GFRA1: variants seen among roughly 807,000 people sequenced by gnomAD.
GFRA1 encodes GDNF family receptor alpha-1.
A neutral mutation model predicts 51.6 loss-of-function variants in GFRA1; 16 were observed. That is an observed-to-expected ratio of 0.31 (90% CI 0.21 to 0.47). GFRA1 has a LOEUF of 0.47. Ranked by LOEUF, GFRA1 falls within the 20% of genes least tolerant of loss-of-function variation. GFRA1 has a pLI of 1.00. For missense variants in GFRA1, 530 were observed against 594.3 expected (o/e 0.89, Z 1.13); for synonymous variants, 270 against 241.3 (o/e 1.12, Z -1.10).
intron 5 of GFRA1, among the ~76,000 whole-genome samples, chr10:116,147,066 G>A (rs1589824059): frequency 1.3e-5 from 2 of 152,030 alleles, no homozygotes; most frequent in South Asian, 2.1e-4. Flanking sequence ...GAGATCAGAT[G>A]CAAATATGTC....
chr10:116,271,192 G>A lies in GFRA1; in HGVS notation c.41-77C>T, dbSNP rs1011396374. The A allele has an allele frequency of 3.0e-6, 4 of 1,320,190 alleles. No individual in the cohort carries two copies. In the East Asian group the frequency reaches 9.5e-5, roughly 31 times the overall value. 81.8% of individuals were successfully genotyped at this position (1,320,190 alleles called of 1,614,324 possible). On this transcript the variant is annotated intron_variant, in intron 2 of 10. Coordinates refer to ENST00000355422, the MANE Select transcript of GFRA1 (RefSeq NM_005264.8). ...GCCCCTGCTCCGGGCGAGGGCGCGC[G>A]CCCGGGTCAGGGATGCTTGACCAGC...
At chr10:116,069,046 G>A (rs1462451525) in intron 9 of GFRA1, among the ~76,000 whole-genome samples, 2 of 152,310 alleles carry the variant, frequency 1.3e-5, no homozygotes, top group Non-Finnish European at 1.5e-5. Flanking sequence ...GGCTGGCACA[G>A]TGTTCAGGGG....
intron 5 of GFRA1, among the ~76,000 whole-genome samples, chr10:116,177,093 G>A (rs961032953): frequency 6.6e-6 from 1 of 152,206 alleles, no homozygotes; most frequent in Non-Finnish European, 1.5e-5. Flanking sequence ...GAACACAGAG[G>A]ATGGGGCAGA....
intron 5 of GFRA1, among the ~76,000 whole-genome samples, chr10:116,158,739 C>T (rs553818250): frequency 3.9e-5 from 6 of 152,328 alleles, no homozygotes; most frequent in Non-Finnish European, 7.3e-5. Flanking sequence ...GAGGTACTCA[C>T]AGTGGGCAAA....
chr10:116,161,984 C>T (rs1293432525), intron 5 of GFRA1, among the ~76,000 whole-genome samples: 2 of 152,238 alleles, frequency 1.3e-5, no homozygotes, highest in Non-Finnish European at 1.5e-5. Context: ...AGGCTTCAAT[C>T]TCAGATAATA....
intron 6 of GFRA1, among the ~76,000 whole-genome samples, chr10:116,105,935 G>C (rs960253423): frequency 9.9e-5 from 15 of 152,200 alleles, no homozygotes; most frequent in African/African-American, 3.4e-4. Flanking sequence ...GGACTTTGCA[G>C]ATATAATTAT....
Position 116,190,355 on chromosome 10 carries a change from G to A in GFRA1, c.433+21276C>T, listed in dbSNP as rs559425879. Reference sequence around the variant, plus strand: ...CTCTCACTACCTGGACATGAGAGTGGATCAACGCACTCCACTTGCTGAAAT... The same window carrying A: ...CTCTCACTACCTGGACATGAGAGTGAATCAACGCACTCCACTTGCTGAAAT... On this transcript the variant is annotated intron_variant, in intron 5 of 10. Transcript: ENST00000355422. Among the ~76,000 whole-genome samples the A allele has an allele frequency of 7.2e-5, 11 of 152,286 alleles. No individual in the cohort carries two copies. In the South Asian group the frequency reaches 2.3e-3, roughly 32 times the overall value.
chr10:116,124,762 AG>A (rs1276934475), intron 6 of GFRA1, among the ~76,000 whole-genome samples: 1 of 152,114 alleles, frequency 6.6e-6, no homozygotes, highest in East Asian at 1.9e-4. Flanking sequence ...GTTCTCCCCA[AG>A]GCTGGACACT....
In GFRA1 at chr10:116,057,959, G is replaced by A. The variant is rs1954617065; in HGVS notation, c.*6439C>T. 1 of 150,740 alleles carries A rather than the reference G, an allele frequency of 6.6e-6. No homozygotes were observed. The highest frequency in any genetic ancestry group is 1.5e-5 in the Non-Finnish European group (1 of 67,920). 9.3% of individuals were successfully genotyped at this position (150,740 alleles called of 1,614,324 possible). A position where few individuals can be genotyped will look rare whatever the true frequency, so the allele number is the denominator to read the frequency against. ...TCAAGCATGCTTGGCACACCAGGAAGCTAATGCTGGATCATATAGCCCTCC... is the reference window on the plus strand; with the variant it reads ...TCAAGCATGCTTGGCACACCAGGAAACTAATGCTGGATCATATAGCCCTCC... On this transcript the variant is annotated 3_prime_UTR_variant, in exon 11 of 11. Transcript: ENST00000355422.
At chr10:116,194,576 TTACCC>T (rs1431301861) in intron 5 of GFRA1, among the ~76,000 whole-genome samples, 1 of 152,158 alleles carries the variant, frequency 6.6e-6, no homozygotes, top group Non-Finnish European at 1.5e-5. Flanking sequence ...TGATACAGAA[TTACCC>T]TACATCTGTG....
At chr10:116,138,376 T>G (rs200335426) in intron 5 of GFRA1, among the ~76,000 whole-genome samples, 1 of 81,734 alleles carries the variant, frequency 1.2e-5, no homozygotes, top group African/African-American at 8.0e-5. Flanking sequence ...TTAAACCTTT[T>G]TTTTATGCCC....
intron 4 of GFRA1, among the ~76,000 whole-genome samples, chr10:116,256,417 G>A (rs1331665485): frequency 6.6e-6 from 1 of 152,052 alleles, no homozygotes; most frequent in Non-Finnish European, 1.5e-5. Flanking sequence ...CTTCCTCCCA[G>A]GGATCACCAG....
Position 116,069,106 on chromosome 10 carries a change from C to T in GFRA1, c.1198-3480G>A, listed in dbSNP as rs567258202. Among the ~76,000 whole-genome samples, 10 of 152,078 alleles carry T rather than the reference C, an allele frequency of 6.6e-5. 1 individual carries two copies. In the South Asian group the frequency reaches 1.5e-3, roughly 22 times the overall value. On this transcript the variant is annotated intron_variant, in intron 9 of 10. Coordinates refer to ENST00000355422, the MANE Select transcript of GFRA1 (RefSeq NM_005264.8). Reference sequence around the variant, plus strand: ...GATGATTATGAGAAATGCAGAGAGCCGAAAAAGAGCTCAGCCAGCCGGTAC... The same window carrying T: ...GATGATTATGAGAAATGCAGAGAGCTGAAAAAGAGCTCAGCCAGCCGGTAC...
At chr10:116,265,872 A>G (rs1969617983) in intron 4 of GFRA1, among the ~76,000 whole-genome samples, 1 of 152,056 alleles carries the variant, frequency 6.6e-6, no homozygotes, top group Non-Finnish European at 1.5e-5. Flanking sequence ...ACCCCACAGG[A>G]AACACACCTC....
chr10:116,141,938 A>G (rs967012573), intron 5 of GFRA1, among the ~76,000 whole-genome samples: 6 of 152,134 alleles, frequency 3.9e-5, no homozygotes, highest in Non-Finnish European at 5.9e-5. Context: ...AGGCTGGTAA[A>G]TAAGTTGGTT....
chr10:116,271,901 A>G (rs779529700), intron 2 of GFRA1, 89 bp downstream of exon 2: 152 of 1,044,838 alleles, frequency 1.5e-4, no homozygotes, highest in Non-Finnish European at 2.0e-4. Context: ...CCGCGCCCCA[A>G]TTTTGGTGCG....
intron 9 of GFRA1, among the ~76,000 whole-genome samples, chr10:116,086,698 A>G (rs1196092266): frequency 1.3e-5 from 2 of 152,248 alleles, no homozygotes; most frequent in African/African-American, 4.8e-5. Flanking sequence ...TGTGCATATC[A>G]CAGGGAAGAG....
intron 9 of GFRA1, among the ~76,000 whole-genome samples, chr10:116,075,607 G>A (rs1955583937): frequency 6.6e-6 from 1 of 151,944 alleles, no homozygotes; most frequent in African/African-American, 2.4e-5. Flanking sequence ...AAGAGGCCTG[G>A]CCCTTCAGCA....
rs573205420 is a variant in GFRA1 at position 116,110,525 on chromosome 10, C to G, written c.771-13761G>C. ...ATCTCTTATACACCAGAACACACCC[C>G]TTCCGGCTTTCTCTAAGCCTAGGAA... On this transcript the variant is annotated intron_variant, in intron 6 of 10. Transcript: ENST00000355422. Among the ~76,000 whole-genome samples the G allele has an allele frequency of 1.4e-3, 206 of 152,300 alleles. 1 individual carries two copies. Among genetic ancestry groups the G allele is most frequent in the African/African-American group, 4.8e-3 (198 of 41,568 alleles).
Sources: allele counts gnomAD v4.1 joint callset (sites outside exome capture counted in the v4.1 genomes callset), GRCh38; gene constraint gnomAD v4.1.1; transcripts MANE v1.5; gene names NCBI Gene and HGNC (gene_info 2026-07-23, HGNC 2026-07-21).